HMGXB4: variants seen among roughly 807,000 people sequenced by gnomAD.
HMGXB4 encodes HMG-box containing 4, also known as HMG domain-containing protein 4.
HMGXB4 carries 27 observed loss-of-function variants against 63.9 expected under a neutral mutation model. That is an observed-to-expected ratio of 0.42 (90% CI 0.31 to 0.58). The LOEUF (loss-of-function observed/expected upper bound fraction) is 0.58, where lower values mean the gene tolerates loss of function less well. HMGXB4 is among the 20% of genes least tolerant of loss of function. The pLI, the probability that HMGXB4 is intolerant of heterozygous loss-of-function variation, is 0.13. For missense variants in HMGXB4, 624 were observed against 700.7 expected, an observed-to-expected ratio of 0.89 and a Z score of 1.24; for synonymous variants, 264 against 265.3, an observed-to-expected ratio of 0.99 and a Z score of 0.05.
chr22:35,253,686 A>G (rs575708616), upstream of HMGXB4, among the ~76,000 whole-genome samples: 1 of 152,230 alleles, frequency 6.6e-6, no homozygotes, highest in Non-Finnish European at 1.5e-5. Context: ...GAGACTATAA[A>G]GATGTAAGCC....
At chr22:35,288,176 A>G in intron 8 of HMGXB4, 62 bp from the exon 9 acceptor site, 1 of 1,319,266 alleles carries the variant, frequency 7.6e-7, no homozygotes, top group Non-Finnish European at 9.9e-7. Context: ...AGGAAGAACA[A>G]CTTTGTGTTG....
At chr22:35,284,648 C>A (rs1263827880) in intron 6 of HMGXB4, among the ~76,000 whole-genome samples, 1 of 152,176 alleles carries the variant, frequency 6.6e-6, no homozygotes, top group Non-Finnish European at 1.5e-5. Context: ...AAGTGAAAAA[C>A]AGAATGGCTG....
At chr22:35,259,285 C>G (rs1922683263) in intron 1 of HMGXB4, among the ~76,000 whole-genome samples, 1 of 152,174 alleles carries the variant, frequency 6.6e-6, no homozygotes, top group Non-Finnish European at 1.5e-5. Flanking sequence ...TATCTTAGCA[C>G]ACTGAGACAA....
At chr22:35,288,778 T>G (rs1389788079) in intron 9 of HMGXB4, among the ~76,000 whole-genome samples, 6 of 151,784 alleles carry the variant, frequency 4.0e-5, no homozygotes, top group Admixed American at 2.0e-4. Context: ...AGGCCAAGAG[T>G]TCGAGACTAG....
intron 5 of HMGXB4, among the ~76,000 whole-genome samples, chr22:35,271,674 G>A (rs1414425426): frequency 2.6e-5 from 4 of 152,190 alleles, no homozygotes; most frequent in African/African-American, 9.6e-5. Flanking sequence ...GCCTCGGTGT[G>A]CCAAGGCGCT....
chr22:35,266,219 C>G (rs1923237930), intron 5 of HMGXB4, among the ~76,000 whole-genome samples: 1 of 152,206 alleles, frequency 6.6e-6, no homozygotes, highest in Non-Finnish European at 1.5e-5. Flanking sequence ...GCATCACTGT[C>G]TGCTTAGGGC....
rs1160305758 is a variant in HMGXB4 at position 35,287,385 on chromosome 22, G to A, written c.1401G>A (p.Gln467=). 8 of 1,613,482 alleles carry A rather than the reference G, an allele frequency of 5.0e-6. No individual in the cohort carries two copies. The highest frequency in any genetic ancestry group is 1.7e-5 in the Admixed American group (1 of 59,984). Residue 467 remains glutamine, a synonymous_variant, in exon 8 of 11, where the codon CAG becomes CAA. Transcript: ENST00000216106. Reference sequence around the variant, plus strand: ...AAGCTCAGTATCTGCAGCACAAACAGAACAAAGCAGAAGCCACAACTGTGA... The same window carrying A: ...AAGCTCAGTATCTGCAGCACAAACAAAACAAAGCAGAAGCCACAACTGTGA... ...KQKAQYLQHK[Q]NKAEATTVKR... is the part of the protein sequence containing the mutation.
chr22:35,279,105 A>C (rs183191292), intron 5 of HMGXB4, among the ~76,000 whole-genome samples: 1 of 143,496 alleles, frequency 7.0e-6, no homozygotes, highest in Non-Finnish European at 1.5e-5. Flanking sequence ...GCCCCTTGTA[A>C]ATATTTTCTC....
intron 5 of HMGXB4, among the ~76,000 whole-genome samples, chr22:35,267,715 AT>A (rs1172203698): frequency 1.3e-5 from 2 of 152,130 alleles, no homozygotes; most frequent in African/African-American, 4.8e-5. Flanking sequence ...TTATTATGAA[AT>A]TTTTCAGACA....
chr22:35,258,270 C>T (rs549589042), intron 1 of HMGXB4: 58 of 152,290 alleles, frequency 3.8e-4, no homozygotes, highest in African/African-American at 1.3e-3. Flanking sequence ...GGCCCATTTT[C>T]CCTCCACCAA....
In HMGXB4 at chr22:35,295,119, G is replaced by C. The variant is rs942747531; in HGVS notation, c.*1468G>C. ...ATTCTCTGCCAACACCAAGCTCTGA[G>C]TTAACTGTGCTTTCTTCTCCTGGCC... On this transcript the variant is annotated 3_prime_UTR_variant, in exon 11 of 11. Transcript: ENST00000216106. The C allele has an allele frequency of 1.9e-5, 2 of 105,078 alleles. No individual in the cohort carries two copies. The highest frequency in any genetic ancestry group is 2.6e-5 in the Non-Finnish European group (1 of 38,978). The allele number at this position is 105,078 out of a possible 1,614,324, so 6.5% of individuals were successfully genotyped here.
intron 1 of HMGXB4, among the ~76,000 whole-genome samples, chr22:35,257,894 C>T (rs1055803057): frequency 6.6e-6 from 1 of 151,980 alleles, no homozygotes; most frequent in African/African-American, 2.4e-5. Flanking sequence ...TCTCCGCCCT[C>T]GGGGGCGCCG....
chr22:35,253,144 A>AAAAAAAAAAG (rs11282400), upstream of HMGXB4, among the ~76,000 whole-genome samples: 138 of 125,362 alleles, frequency 1.1e-3, 2 homozygotes, highest in African/African-American at 3.4e-3. Context: ...AAAAAAAAAA[A>AAAAAAAAAAG]AAAAAAGAAA....
At chr22:35,253,144 A>AAAAAAAAAAAG (rs11282400), upstream of HMGXB4, among the ~76,000 whole-genome samples, 7 of 125,362 alleles carry the variant, frequency 5.6e-5, no homozygotes, top group African/African-American at 2.0e-4. Context: ...AAAAAAAAAA[A>AAAAAAAAAAAG]AAAAAAGAAA....
At chr22:35,285,911 C>A in intron 6 of HMGXB4, 86 bp from the exon 7 acceptor site, 2 of 981,986 alleles carry the variant, frequency 2.0e-6, no homozygotes, top group Non-Finnish European at 3.1e-6. Flanking sequence ...CTTCAAAACC[C>A]TTTTCCAGTT....
intron 1 of HMGXB4, among the ~76,000 whole-genome samples, chr22:35,261,005 T>C (rs531312266): frequency 4.6e-5 from 7 of 152,366 alleles, no homozygotes; most frequent in Non-Finnish European, 1.5e-5. Context: ...AAGGTAAAAT[T>C]AAATTTAAAT....
chr22:35,275,580 T>G (rs1923863139), intron 5 of HMGXB4, among the ~76,000 whole-genome samples: 1 of 152,180 alleles, frequency 6.6e-6, no homozygotes, highest in African/African-American at 2.4e-5. Context: ...TAAAGAGCAT[T>G]AACAAGTTGC....
At chr22:35,270,273 G>T (rs1380781441) in intron 5 of HMGXB4, among the ~76,000 whole-genome samples, 1 of 152,124 alleles carries the variant, frequency 6.6e-6, no homozygotes, top group African/African-American at 2.4e-5. Flanking sequence ...TCTCATAGGA[G>T]CACAAACCCC....
chr22:35,241,541 C>T, the HMGXB4 span, among the ~76,000 whole-genome samples: 1 of 152,096 alleles, frequency 6.6e-6, no homozygotes, highest in African/African-American at 2.4e-5. Flanking sequence ...CTGATGGATC[C>T]CGGTGGTGCC....
Sources: gnomAD v4.1 joint callset for allele counts (sites outside exome capture counted in the v4.1 genomes callset) on GRCh38, gnomAD v4.1.1 for gene constraint, MANE v1.5 for transcripts, NCBI Gene and HGNC (gene_info 2026-07-23, HGNC 2026-07-21) for gene names.